NCBP1: variants seen among roughly 807,000 people sequenced by gnomAD.
NCBP1 encodes the protein nuclear cap binding protein subunit 1, also known as nuclear cap-binding protein subunit 1.
NCBP1 carries 16 observed loss-of-function variants against 111.7 expected under a neutral mutation model. The observed-to-expected ratio is 0.14, with a 90% CI of 0.10 to 0.22. NCBP1 has a LOEUF of 0.22. Ranked by LOEUF, NCBP1 falls within the 10% of genes least tolerant of loss-of-function variation. The pLI is 1.00. For synonymous variants in NCBP1, 304 were observed against 314.3 expected (o/e 0.97, Z 0.35); for missense variants, 607 against 957.5 (o/e 0.63, Z 4.83).
intron 14 of NCBP1, among the ~76,000 whole-genome samples, chr9:97,658,172 C>T (rs1324589436): frequency 6.6e-6 from 1 of 151,952 alleles, no homozygotes; most frequent in African/African-American, 2.4e-5. Context: ...GACACACATC[C>T]ATCCATCCAT....
chr9:97,660,680 C>T (rs2131358572), intron 15 of NCBP1, among the ~76,000 whole-genome samples: 2 of 152,280 alleles, frequency 1.3e-5, no homozygotes, highest in Middle Eastern at 3.4e-3. Context: ...TGATCAGCAC[C>T]TTGTGCTCTA....
chr9:97,654,035 G>A, intron 11 of NCBP1, 127 bp downstream of exon 11: 2 of 664,332 alleles, frequency 3.0e-6, no homozygotes, highest in Non-Finnish European at 2.5e-6. Context: ...TTGTGTGTGT[G>A]TATTACATGT....
Position 97,633,900 on chromosome 9 carries a change from A to G in NCBP1, c.19A>G (p.Ser7Gly). The change falls in exon 1 of 23, where the codon AGC becomes GGC. Residue 7 changes from serine to glycine, a missense_variant. By Grantham distance (56) the Ser-to-Gly change is moderately conservative. Transcript: ENST00000375147. Reference sequence around the variant, plus strand: ...GGGCAGCATGTCGCGGCGGCGGCACAGCGACGAGAACGACGGTGAGTGCCT... The same window carrying G: ...GGGCAGCATGTCGCGGCGGCGGCACGGCGACGAGAACGACGGTGAGTGCCT... MSRRRH[S>G]DENDGGQPHK... 2 of 1,589,438 alleles carry G rather than the reference A, an allele frequency of 1.3e-6. No individual in the cohort carries two copies. The highest frequency in any genetic ancestry group is 1.7e-6 in the Non-Finnish European group (2 of 1,173,898).
At position 97,673,167 on chromosome 9, in the gene NCBP1, G is replaced by A. The variant is rs922064441; in HGVS notation, c.*1968G>A. ...ATATATAGCATATAACATACAAAAT[G>A]AGTTTATCAACTGTTTGTTATTGGT... On this transcript the variant is annotated 3_prime_UTR_variant, in exon 23 of 23. Transcript: ENST00000375147. 5 of 152,154 alleles carry A rather than the reference G, an allele frequency of 3.3e-5. No homozygotes were observed. The highest frequency in any genetic ancestry group is 1.3e-4 in the Admixed American group (2 of 15,282). 9.4% of individuals were successfully genotyped at this position (152,154 alleles called of 1,614,324 possible). A position where few individuals can be genotyped will look rare whatever the true frequency, so the allele number is the denominator to read the frequency against.
chr9:97,657,547 C>T (rs969271941), intron 14 of NCBP1, among the ~76,000 whole-genome samples: 1 of 152,140 alleles, frequency 6.6e-6, no homozygotes, highest in Non-Finnish European at 1.5e-5. Flanking sequence ...CTTTCTCTAC[C>T]TTAACCTCAC....
In NCBP1 at chr9:97,672,790, AT is replaced by A. The variant is rs138594277; in HGVS notation, c.*1598del. 10 of 159,844 alleles carry A rather than the reference AT, an allele frequency of 6.3e-5. No individual in the cohort carries two copies. The highest frequency in any genetic ancestry group is 1.1e-4 in the Non-Finnish European group (8 of 74,422). The allele number at this position is 159,844 out of a possible 1,614,324, so 9.9% of individuals were successfully genotyped here. A position where few individuals can be genotyped will look rare whatever the true frequency, so the allele number is the denominator to read the frequency against. On this transcript the variant is annotated 3_prime_UTR_variant, in exon 23 of 23. Transcript: ENST00000375147. The stretch of plus-strand genomic sequence containing the variant: ...CTTCTACTTATTAAATAGTAAATAT[AT>A]TTTTTTCTTATGATTTTATTTTCTT...
intron 1 of NCBP1, chr9:97,635,640 T>G (rs894694151): frequency 6.6e-6 from 1 of 152,060 alleles, no homozygotes; most frequent in Non-Finnish European, 1.5e-5. Context: ...CAGGCTGATC[T>G]TGAACTCCTG....
chr9:97,660,873 G>A, intron 15 of NCBP1, 73 bp from the exon 16 acceptor site: 1 of 1,498,138 alleles, frequency 6.7e-7, no homozygotes, highest in Non-Finnish European at 8.9e-7. Context: ...ATTTTTCTCA[G>A]TTATTTAACT....
rs910935016 is a variant in NCBP1 at position 97,643,243 on chromosome 9, A to G, written c.264A>G (p.Thr88=). The G allele has an allele frequency of 1.2e-6, 2 of 1,611,452 alleles. No homozygotes were observed. The highest frequency in any genetic ancestry group is 1.7e-6 in the Non-Finnish European group (2 of 1,179,252). The change falls in exon 4 of 23, where the codon ACA becomes ACG. Residue 88 remains threonine (T), a synonymous_variant. Transcript: ENST00000375147. Reference sequence around the variant, plus strand: ...CTGAGAAGCTGACAATTTATACAACATTAGTTGGACTACTGAATGCCAGGA... The same window carrying G: ...CTGAGAAGCTGACAATTTATACAACGTTAGTTGGACTACTGAATGCCAGGA... ...LLPEKLTIYT[T]LVGLLNARNY...
chr9:97,669,929 C>T, intron 22 of NCBP1: 3 of 565,084 alleles, frequency 5.3e-6, no homozygotes, highest in Non-Finnish European at 9.6e-6. Context: ...CCCCCCGCCC[C>T]ACCTTTTTTT....
chr9:97,643,337 A>C lies in NCBP1; in HGVS notation c.358A>C (p.Asn120His). The C allele has an allele frequency of 6.2e-7, 1 of 1,604,250 alleles. No homozygotes were observed. The highest frequency in any genetic ancestry group is 1.1e-5 in the South Asian group (1 of 88,960). Residue 120 changes from asparagine to histidine, a missense_variant, in exon 4 of 23, where the codon AAT (asparagine) becomes CAT (histidine). Transcript: ENST00000375147. ...RQLKESLKAN[N>H]YNEAVYLVRF... ...ACTTAAAGAATCATTGAAAGCAAAC[A>C]ATTATAATGAAGCCGTGTATTTGGT...
rs1043528007 is a variant in NCBP1, at chr9:97,673,671, T to A, written c.*2472T>A. The stretch of plus-strand genomic sequence containing the variant: ...GTTCATACAGACAAAAGATGGCATG[T>A]CACTGTACATCATACCTTGCAATAA... On this transcript the variant is annotated 3_prime_UTR_variant, in exon 23 of 23. Transcript: ENST00000375147. 9 of 152,220 alleles carry A rather than the reference T, an allele frequency of 5.9e-5. No homozygotes were observed. Among genetic ancestry groups the A allele is most frequent in the African/African-American group, 1.9e-4 (8 of 41,456 alleles). The allele number at this position is 152,220 out of a possible 1,614,324, so 9.4% of individuals were successfully genotyped here.
chr9:97,673,502 CT>C lies in NCBP1; in HGVS notation c.*2307del. The C allele has an allele frequency of 6.6e-6, 1 of 152,224 alleles. No individual in the cohort carries two copies. The highest frequency in any genetic ancestry group is 1.5e-5 in the Non-Finnish European group (1 of 68,008). The allele number at this position is 152,224 out of a possible 1,614,324, so 9.4% of individuals were successfully genotyped here. ...GTCCTCTCTTCATGTATAATGGTTG[CT>C]TTTAACAGCTGTTCGCTGATGTGGT... On this transcript the variant is annotated 3_prime_UTR_variant, in exon 23 of 23. Transcript: ENST00000375147.
At chr9:97,651,010 T>C (rs1188909888) in intron 9 of NCBP1, among the ~76,000 whole-genome samples, 1 of 152,142 alleles carries the variant, frequency 6.6e-6, no homozygotes, top group African/African-American at 2.4e-5. Flanking sequence ...GAAATGAATA[T>C]AGTATTATGA....
chr9:97,668,026 G>A (rs1179359804), intron 20 of NCBP1, among the ~76,000 whole-genome samples: 2 of 152,176 alleles, frequency 1.3e-5, no homozygotes, highest in Non-Finnish European at 2.9e-5. Flanking sequence ...TCCGAGAGCA[G>A]GGTTCTGATA....
chr9:97,637,807 T>G (rs553509229), intron 1 of NCBP1, among the ~76,000 whole-genome samples: 1 of 152,324 alleles, frequency 6.6e-6, no homozygotes, highest in East Asian at 1.9e-4. Context: ...TTCCATTTTG[T>G]GGGTCTAAAA....
Position 97,672,265 on chromosome 9 carries a change from A to G in NCBP1, c.*1066A>G, listed in dbSNP as rs1477509955. ...AGAAAAAAATTACCAGTAATCCTAC[A>G]ACTACTGGTAGTGTTGTTGTGCATT... On this transcript the variant is annotated 3_prime_UTR_variant, in exon 23 of 23. Coordinates refer to ENST00000375147, the MANE Select transcript of NCBP1 (RefSeq NM_002486.5). 6.7e-6 allele frequency: 1 copy of G among 150,074 alleles called. No individual in the cohort carries two copies. The highest frequency in any genetic ancestry group is 1.5e-5 in the Non-Finnish European group (1 of 66,666). The allele number at this position is 150,074 out of a possible 1,614,324, so 9.3% of individuals were successfully genotyped here. A position where few individuals can be genotyped will look rare whatever the true frequency, so the allele number is the denominator to read the frequency against.
At position 97,672,147 on chromosome 9, in the gene NCBP1, A is replaced by G. The variant is rs1481644780; in HGVS notation, c.*948A>G. Reference sequence around the variant, plus strand: ...CCTGTATAGTACTGATGCTGAAATAAGATGACAGCAGTTTGTAAAATAATA... The same window carrying G: ...CCTGTATAGTACTGATGCTGAAATAGGATGACAGCAGTTTGTAAAATAATA... On this transcript the variant is annotated 3_prime_UTR_variant, in exon 23 of 23. Transcript: ENST00000375147. 2.6e-5 allele frequency: 4 copies of G among 152,228 alleles called. No homozygotes were observed. Among genetic ancestry groups the G allele is most frequent in the Non-Finnish European group, 5.9e-5 (4 of 68,044 alleles). 9.4% of individuals were successfully genotyped at this position (152,228 alleles called of 1,614,324 possible).
chr9:97,664,257 C>T, intron 18 of NCBP1, 83 bp from the exon 19 acceptor site: 2 of 829,958 alleles, frequency 2.4e-6, no homozygotes, highest in South Asian at 4.3e-5. Context: ...TCCTATTTTA[C>T]TTTTATAGCA....
Sources: gnomAD v4.1 joint callset for allele counts (sites outside exome capture counted in the v4.1 genomes callset) on GRCh38, gnomAD v4.1.1 for gene constraint, MANE v1.5 for transcripts, NCBI Gene and HGNC (gene_info 2026-07-23, HGNC 2026-07-21) for gene names.